TTC4: variants seen among roughly 807,000 people sequenced by gnomAD.
The protein encoded by TTC4 is tetratricopeptide repeat domain 4, also known as hsp70/Hsp90 co-chaperone CNS1 homolog.
Under a neutral mutation model 51.9 loss-of-function variants are expected in TTC4, and 36 were observed. The observed-to-expected ratio is 0.69, with a 90% CI of 0.53 to 0.92. TTC4 has a LOEUF of 0.92. Among genes scored for constraint, TTC4 ranks in the 40% least tolerant of loss-of-function variants. The pLI is 0.00. For missense variants in TTC4, 399 were observed against 454.6 expected, an observed-to-expected ratio of 0.88 and a Z score of 1.11; for synonymous variants, 144 against 164.2, an observed-to-expected ratio of 0.88 and a Z score of 0.94.
intron 3 of TTC4, among the ~76,000 whole-genome samples, chr1:54,720,470 A>T (rs1645730014): frequency 2.7e-5 from 4 of 147,584 alleles, no homozygotes; most frequent in Admixed American, 1.3e-4. Flanking sequence ...TTACAAATAT[A>T]TACATGTGTG....
chr1:54,723,499 G>C (rs1286929773), intron 5 of TTC4, among the ~76,000 whole-genome samples: 1 of 152,128 alleles, frequency 6.6e-6, no homozygotes, highest in African/African-American at 2.4e-5. Flanking sequence ...GGAATTAAGA[G>C]ACCTTAAGAC....
At chr1:54,719,896 CTTT>C (rs35056653) in intron 3 of TTC4, among the ~76,000 whole-genome samples, 5 of 135,750 alleles carry the variant, frequency 3.7e-5, no homozygotes, top group Admixed American at 7.5e-5. Context: ...ATGTTCCATA[CTTT>C]TTTTTTTTTT....
chr1:54,715,905 A>G lies in TTC4; in HGVS notation c.-4A>G. 2 of 1,600,520 alleles carry G rather than the reference A, an allele frequency of 1.2e-6. No individual in the cohort carries two copies. Among genetic ancestry groups the G allele is most frequent in the African/African-American group, 1.3e-5 (1 of 74,648 alleles). The stretch of plus-strand genomic sequence containing the variant: ...GACCCGGGCTGGAAGGCAGGGCATC[A>G]GCTATGGAACAACCTGGGCAGGATC... On this transcript the variant is annotated 5_prime_UTR_variant, in exon 1 of 10. Coordinates refer to ENST00000371281, the MANE Select transcript of TTC4 (RefSeq NM_004623.5).
chr1:54,716,092 C>A, intron 1 of TTC4, 73 bp downstream of exon 1: 3 of 1,199,194 alleles, frequency 2.5e-6, no homozygotes, highest in Non-Finnish European at 3.6e-6. Context: ...GGCTCTGGGG[C>A]ACCTCCTTCA....
intron 1 of TTC4, chr1:54,716,289 G>T: frequency 1.8e-6 from 1 of 548,718 alleles, no homozygotes; most frequent in Non-Finnish European, 3.2e-6. Flanking sequence ...TTCCTCATCT[G>T]TAAAACTGCG....
chr1:54,717,635 G>A lies in TTC4; in HGVS notation c.373G>A (p.Ala125Thr). 1 of 1,603,344 alleles carries A rather than the reference G, an allele frequency of 6.2e-7. No homozygotes were observed. The highest frequency in any genetic ancestry group is 1.3e-5 in the African/African-American group (1 of 74,474). ...LNAVLYTNRA[A>T]AQYYLGNFRS... ...TGCTGTCCTTTATACCAACCGGGCA[G>A]CAGCACAGTACTATCTGGGTAATTT... The change falls in exon 3 of 10, where the codon GCA becomes ACA. Residue 125 changes from alanine (A) to threonine (T), a missense_variant. Around this residue, in one of 3 missense-constraint regions of TTC4, gnomAD observed 316 missense variants for 349.6 expected, o/e 0.90. Coordinates refer to ENST00000371281, the MANE Select transcript of TTC4 (RefSeq NM_004623.5).
chr1:54,730,314 G>A (rs1330819815), intron 6 of TTC4, among the ~76,000 whole-genome samples: 1 of 134,482 alleles, frequency 7.4e-6, no homozygotes, highest in Non-Finnish European at 1.5e-5. Context: ...CTTCTTTAGT[G>A]TAACCCTTCA....
intron 2 of TTC4, among the ~76,000 whole-genome samples, chr1:54,717,023 A>T (rs1324540923): frequency 6.6e-6 from 1 of 152,162 alleles, no homozygotes; most frequent in East Asian, 1.9e-4. Context: ...GTCCTGTTGG[A>T]ACACTTTAAG....
chr1:54,723,121 T>C (rs185145650), intron 5 of TTC4, among the ~76,000 whole-genome samples: 2 of 151,804 alleles, frequency 1.3e-5, no homozygotes, highest in East Asian at 3.9e-4. Flanking sequence ...TGTGTTTAGA[T>C]GTGTTTAGCT....
rs997760900 is a variant in TTC4, at chr1:54,728,902, CAGAT to C, written c.681+474_681+477del. Among the ~76,000 whole-genome samples, 69 of 152,334 alleles carry C rather than the reference CAGAT, an allele frequency of 4.5e-4. 1 individual carries two copies. The highest frequency in any genetic ancestry group is 1.6e-3 in the African/African-American group (68 of 41,574). On this transcript the variant is annotated intron_variant, in intron 6 of 9. Coordinates refer to ENST00000371281, the MANE Select transcript of TTC4 (RefSeq NM_004623.5). ...TTCTTTTTCCTTCTTTGTAATTTCA[CAGAT>C]AGAAGGTTGCTCTTACCATAGATCT... is the stretch of plus-strand genomic sequence containing the variant.
chr1:54,718,238 T>C (rs2101292381), intron 3 of TTC4, among the ~76,000 whole-genome samples: 1 of 152,166 alleles, frequency 6.6e-6, no homozygotes, highest in Middle Eastern at 3.4e-3. Flanking sequence ...CTGGGCATGG[T>C]GGTGCCTGCC....
rs1285816373 is a variant in TTC4 at position 54,716,146 on chromosome 1, T to C, written c.111+127T>C. The C allele has an allele frequency of 3.8e-6, 3 of 783,412 alleles. No homozygotes were observed. The South Asian group carries it at 5.0e-5, about 13-fold the overall frequency. 48.5% of individuals were successfully genotyped at this position (783,412 alleles called of 1,614,324 possible). ...TGCCAGCCGATCGCTGGTTTCTAGT[T>C]GAGTATTGAAAATCGGCCTCGAGGT... On this transcript the variant is annotated intron_variant, in intron 1 of 9. Coordinates refer to ENST00000371281, the MANE Select transcript of TTC4 (RefSeq NM_004623.5).
chr1:54,736,460 TC>T (rs1481340103), intron 8 of TTC4, among the ~76,000 whole-genome samples: 1 of 152,050 alleles, frequency 6.6e-6, no homozygotes, highest in East Asian at 1.9e-4. Flanking sequence ...AAGATCAACC[TC>T]CTGGGCTCAA....
intron 5 of TTC4, among the ~76,000 whole-genome samples, chr1:54,725,682 T>G (rs1411427919): frequency 6.6e-6 from 1 of 152,222 alleles, no homozygotes; most frequent in African/African-American, 2.4e-5. Context: ...CCAGCTAATT[T>G]AAATATCTTC....
chr1:54,723,101 G>C (rs1018129374), intron 5 of TTC4, among the ~76,000 whole-genome samples: 5 of 152,138 alleles, frequency 3.3e-5, no homozygotes, highest in Non-Finnish European at 7.4e-5. Flanking sequence ...TATTTTAACT[G>C]TGCTTTTTCT....
In TTC4 at chr1:54,716,615, C is replaced by T. The variant is rs756757786; in HGVS notation, c.127C>T (p.Pro43Ser). The T allele has an allele frequency of 6.2e-7, 1 of 1,612,526 alleles. No individual in the cohort carries two copies. The highest frequency in any genetic ancestry group is 1.1e-5 in the South Asian group (1 of 90,830). Residue 43 changes from proline (P) to serine (S), a missense_variant, in exon 2 of 10, where the codon CCC (proline) becomes TCC (serine). By Grantham distance (74) the Pro-to-Ser change is moderately conservative. Coordinates refer to ENST00000371281, the MANE Select transcript of TTC4 (RefSeq NM_004623.5). ...CCATTTACAGGAATTTGAAAAGGTC[C>T]CCCTATTTATGTCGAGAGCGCCATC... ...DQWEKEFEKV[P>S]LFMSRAPSEI... is the part of the protein sequence containing the mutation.
chr1:54,729,935 G>A (rs1405724682), intron 6 of TTC4, among the ~76,000 whole-genome samples: 1 of 152,116 alleles, frequency 6.6e-6, no homozygotes, highest in Non-Finnish European at 1.5e-5. Context: ...TGGTCAGGCT[G>A]GTCTTGAACT....
chr1:54,730,081 T>C (rs974274867), intron 6 of TTC4, among the ~76,000 whole-genome samples: 2 of 152,180 alleles, frequency 1.3e-5, no homozygotes, highest in African/African-American at 4.8e-5. Context: ...ATGTTACTTG[T>C]TGACTGTAAG....
intron 5 of TTC4, among the ~76,000 whole-genome samples, chr1:54,728,104 C>T (rs1645823330): frequency 6.6e-6 from 1 of 152,210 alleles, no homozygotes. Flanking sequence ...CCCTCAACCC[C>T]TCAGTAGACT....
Sources: gnomAD v4.1 joint callset for allele counts (sites outside exome capture counted in the v4.1 genomes callset) on GRCh38, gnomAD v4.1.1 for gene constraint, gnomAD v4.1.1 regional missense constraint, MANE v1.5 for transcripts, NCBI Gene and HGNC (gene_info 2026-07-23, HGNC 2026-07-21) for gene names.